VIPR2: variants seen among roughly 807,000 people sequenced by gnomAD.
The protein encoded by VIPR2 is vasoactive intestinal polypeptide receptor 2.
Under a neutral mutation model 58.0 loss-of-function variants are expected in VIPR2, and 48 were observed. The observed-to-expected ratio is 0.83, with a 90% confidence interval of 0.66 to 1.05. The LOEUF (loss-of-function observed/expected upper bound fraction) is 1.05, where lower values mean the gene tolerates loss of function less well. VIPR2 is among the 50% of genes least tolerant of loss of function. VIPR2 has a pLI of 0.00. For synonymous variants in VIPR2, 243 were observed against 235.2 expected (o/e 1.03, Z -0.30); for missense variants, 534 against 558.0 (o/e 0.96, Z 0.43).
At chr7:159,063,928 T>A (rs1325747956) in intron 4 of VIPR2, among the ~76,000 whole-genome samples, 1 of 48,758 alleles carries the variant, frequency 2.1e-5, no homozygotes, top group African/African-American at 8.3e-5. Context: ...TGTGGGGTCC[T>A]GGTTGGATCT....
At chr7:159,126,288 A>G (rs1796646593) in intron 2 of VIPR2, among the ~76,000 whole-genome samples, 1 of 152,228 alleles carries the variant, frequency 6.6e-6, no homozygotes, top group Admixed American at 6.5e-5. Flanking sequence ...AAATCTACCA[A>G]ATGAAGGCTT....
rs192906697 is a variant in VIPR2 at position 159,130,484 on chromosome 7, T to C, written c.151+11962A>G. On this transcript the variant is annotated intron_variant, in intron 2 of 12. Coordinates refer to ENST00000262178, the MANE Select transcript of VIPR2 (RefSeq NM_003382.5). ...TCAGGGTTCTGCATGTCTGACACCA[T>C]GGCTCCACCTGGACCGGCCAACCAC... Among the ~76,000 whole-genome samples, 561 of 151,586 alleles carry C rather than the reference T, an allele frequency of 3.7e-3. 1 individual carries two copies. Among genetic ancestry groups the C allele is most frequent in the Middle Eastern group, 6.8e-3 (2 of 294 alleles).
intron 2 of VIPR2, among the ~76,000 whole-genome samples, chr7:159,136,091 C>A (rs528992160): frequency 4.7e-4 from 71 of 152,206 alleles, no homozygotes; most frequent in Non-Finnish European, 9.0e-4. Flanking sequence ...AACAACATAC[C>A]GGAAACTGGG....
chr7:159,124,632 T>C lies in VIPR2; in HGVS notation c.152-14713A>G, dbSNP rs188548217. On this transcript the variant is annotated intron_variant, in intron 2 of 12. Transcript: ENST00000262178. ...GATTGTCTTAGCTATGTGGGCTCTT[T>C]CTTGGTTCCATATGAATTTTAAAAT... 4.4e-3 allele frequency among the ~76,000 whole-genome samples: 674 copies of C among 152,336 alleles called. 6 individuals carry two copies. Among genetic ancestry groups the C allele is most frequent in the African/African-American group, 0.015 (625 of 41,568 alleles).
intron 4 of VIPR2, among the ~76,000 whole-genome samples, chr7:159,067,067 T>C (rs531742793): frequency 2.0e-5 from 3 of 152,328 alleles, no homozygotes; most frequent in Admixed American, 6.5e-5. Context: ...AGTGACTCAG[T>C]TGCACCAGCC....
intron 4 of VIPR2, among the ~76,000 whole-genome samples, chr7:159,102,190 T>C (rs553104970): frequency 6.4e-5 from 9 of 140,690 alleles, no homozygotes; most frequent in African/African-American, 2.1e-4. Context: ...CGGTTCCAAC[T>C]GTTCCTGTGA....
Position 159,128,819 on chromosome 7 carries a change from G to C in VIPR2, c.151+13627C>G, listed in dbSNP as rs1401067747. On this transcript the variant is annotated intron_variant, in intron 2 of 12. Transcript: ENST00000262178. This position sits in a 1 kb window ranked among gnomAD's most constrained non-coding sequence, Gnocchi z 4.1. Reference sequence around the variant, plus strand: ...TCAGTGGTCTCAGCTCTGCAGGTTGGGCACGCTAACTGCTCTTCTCCCTCA... The same window carrying C: ...TCAGTGGTCTCAGCTCTGCAGGTTGCGCACGCTAACTGCTCTTCTCCCTCA... Among the ~76,000 whole-genome samples the C allele has an allele frequency of 6.6e-6, 1 of 152,174 alleles. No homozygotes were observed. Among genetic ancestry groups the C allele is most frequent in the Non-Finnish European group, 1.5e-5 (1 of 68,032 alleles).
intron 6 of VIPR2, 134 bp downstream of exon 6, chr7:159,042,889 CCTCTCTGCCAGG>C: frequency 8.5e-7 from 1 of 1,176,276 alleles, no homozygotes; most frequent in African/African-American, 1.6e-5. Flanking sequence ...CTGGCCCCAG[CCTCTCTGCCAGG>C]CTCTCTGTTT....
intron 4 of VIPR2, among the ~76,000 whole-genome samples, chr7:159,084,034 C>T (rs936972193): frequency 6.6e-6 from 1 of 152,250 alleles, no homozygotes; most frequent in Admixed American, 6.5e-5. Flanking sequence ...CCATCACACA[C>T]ATCTCCGTCT....
intron 2 of VIPR2, among the ~76,000 whole-genome samples, chr7:159,132,078 C>T (rs1413695860): frequency 6.6e-6 from 1 of 151,722 alleles, no homozygotes; most frequent in African/African-American, 2.4e-5. Flanking sequence ...CCTCACATTC[C>T]TTCAGGGGAG....
chr7:159,090,579 C>T (rs1397996508), intron 4 of VIPR2, among the ~76,000 whole-genome samples: 70 of 118,368 alleles, frequency 5.9e-4, no homozygotes, highest in Non-Finnish European at 8.3e-4. Context: ...TTGTGACCAT[C>T]ACAATCCCCG....
At chr7:159,139,315 A>G (rs1304955828) in intron 2 of VIPR2, among the ~76,000 whole-genome samples, 1 of 152,166 alleles carries the variant, frequency 6.6e-6, no homozygotes, top group East Asian at 1.9e-4. Context: ...CTCCTCAGCT[A>G]CAACACAAAT....
chr7:159,038,943 G>A (rs1854144952), intron 6 of VIPR2, among the ~76,000 whole-genome samples: 4 of 152,346 alleles, frequency 2.6e-5, no homozygotes, highest in South Asian at 4.1e-4. Flanking sequence ...TGAATGCGGT[G>A]TTTTAGAGGG....
chr7:159,091,978 G>C (rs566931253), intron 4 of VIPR2, among the ~76,000 whole-genome samples: 60 of 152,342 alleles, frequency 3.9e-4, no homozygotes, highest in African/African-American at 1.3e-3. Flanking sequence ...TGTAGTCCCA[G>C]CTACTCTGGA....
At chr7:159,057,064 CTAAT>C (rs940993117) in intron 5 of VIPR2, among the ~76,000 whole-genome samples, 2 of 152,054 alleles carry the variant, frequency 1.3e-5, no homozygotes, top group African/African-American at 2.4e-5. Context: ...CTTGGGTTGC[CTAAT>C]TAAATATGTC....
At chr7:159,036,111 A>C in intron 7 of VIPR2, 99 bp from the exon 8 acceptor site, 363 of 1,362,884 alleles carry the variant, frequency 2.7e-4, no homozygotes, top group Non-Finnish European at 3.3e-4. Context: ...ACGCTTTCTC[A>C]CGGGAATATT....
chr7:159,109,457 G>A (rs3793231), intron 3 of VIPR2, among the ~76,000 whole-genome samples: 53,599 of 152,028 alleles, frequency 0.35, 11,266 homozygotes, highest in African/African-American at 0.6. Flanking sequence ...TCCAGAGTGT[G>A]CTCTCTGGGG....
intron 6 of VIPR2, among the ~76,000 whole-genome samples, chr7:159,039,619 A>G (rs1420416176): frequency 4.3e-5 from 1 of 23,088 alleles, no homozygotes; most frequent in Non-Finnish European, 9.8e-5. Flanking sequence ...TTGCGATGGG[A>G]TTAGTGCCCC....
intron 2 of VIPR2, among the ~76,000 whole-genome samples, chr7:159,120,460 C>T (rs565338834): frequency 6.6e-6 from 1 of 152,344 alleles, no homozygotes; most frequent in South Asian, 2.1e-4. Flanking sequence ...CCAGGCTGCC[C>T]TGGGCCACCA....
Sources: gnomAD v4.1 joint callset for allele counts (sites outside exome capture counted in the v4.1 genomes callset) on GRCh38, gnomAD v4.1.1 for gene constraint, Gnocchi (gnomAD v3.1) non-coding constraint, MANE v1.5 for transcripts, NCBI Gene and HGNC (gene_info 2026-07-23, HGNC 2026-07-21) for gene names.